The following MCHR1 variants were observed in gnomAD, a reference collection of about 807,000 sequenced individuals.
MCHR1 encodes the protein melanin concentrating hormone receptor 1, also known as melanin-concentrating hormone receptor 1.
In MCHR1, 13 loss-of-function variants were observed where a neutral mutation model predicts 20.4. The ratio of observed to expected loss-of-function variants is 0.64; its 90% CI spans 0.41 to 1.01. The LOEUF (loss-of-function observed/expected upper bound fraction) is 1.01, where lower values mean the gene tolerates loss of function less well. Ranked by LOEUF, MCHR1 falls within the 50% of genes least tolerant of loss-of-function variation. The pLI is 0.00. For synonymous variants in MCHR1, 215 were observed against 204.4 expected (o/e 1.05, Z -0.44); for missense variants, 472 against 477.0 (o/e 0.99, Z 0.10).
chr22:40,680,575 C>T (rs1252594777), intron 1 of MCHR1, among the ~76,000 whole-genome samples: 2 of 101,324 alleles, frequency 2.0e-5, no homozygotes, highest in African/African-American at 3.4e-5. Context: ...AAAGCACGCA[C>T]ACACACACAC....
At position 40,681,665 on chromosome 22, in the gene MCHR1, G is replaced by T. The variant is rs760577724; in HGVS notation, c.799G>T (p.Val267Leu). The T allele has an allele frequency of 3.1e-6, 5 of 1,614,264 alleles. No individual in the cohort carries two copies. The Admixed American group carries it at 5.0e-5, about 16-fold the overall frequency. ...CATCGCCATCTGTCTGGTCTTCTTTGTGTGCTGGGCACCCTACTATGTGCT... is the reference window on the plus strand; with the variant it reads ...CATCGCCATCTGTCTGGTCTTCTTTTTGTGCTGGGCACCCTACTATGTGCT... ...TAIAICLVFF[V>L]CWAPYYVLQL... The change falls in exon 2 of 2, where the codon GTG becomes TTG. Residue 267 changes from valine (V) to leucine (L), a missense_variant. Coordinates refer to ENST00000249016, the MANE Select transcript of MCHR1 (RefSeq NM_005297.4). The surrounding 1 kb of genome is among the most constrained non-coding windows in gnomAD (Gnocchi z 4.3).
At position 40,681,724 on chromosome 22, in the gene MCHR1, C is replaced by G. The variant is rs746851637; in HGVS notation, c.858C>G (p.Thr286=). ...CCCAGTTGTCCATCAGCCGCCCGAC[C>G]CTCACCTTTGTCTACTTATACAATG... ...QLTQLSISRP[T]LTFVYLYNAA... is the part of the protein sequence containing the mutation. The change falls in exon 2 of 2, where the codon ACC becomes ACG. Residue 286 remains threonine (T), a synonymous_variant. Coordinates refer to ENST00000249016, the MANE Select transcript of MCHR1 (RefSeq NM_005297.4). The surrounding 1 kb of genome is among the most constrained non-coding windows in gnomAD (Gnocchi z 4.3). 2 of 1,614,162 alleles carry G rather than the reference C, an allele frequency of 1.2e-6. No homozygotes were observed. The highest frequency in any genetic ancestry group is 1.3e-5 in the African/African-American group (1 of 74,954).
At chr22:40,679,894 C>A (rs1048447180) in intron 1 of MCHR1, among the ~76,000 whole-genome samples, 160 bp downstream of exon 1, 1 of 151,880 alleles carries the variant, frequency 6.6e-6, no homozygotes, top group Admixed American at 6.6e-5. Context: ...GGCAATGGTC[C>A]GCAGGGGCAG....
At chr22:40,680,551 G>T (rs902568010) in intron 1 of MCHR1, among the ~76,000 whole-genome samples, 1 of 149,294 alleles carries the variant, frequency 6.7e-6, no homozygotes, top group African/African-American at 2.5e-5. Flanking sequence ...AAACACTCAG[G>T]GCTACACATA....
At position 40,681,433 on chromosome 22, in the gene MCHR1, A is replaced by G. The variant is rs2056879809; in HGVS notation, c.567A>G (p.Gly189=). 5 of 1,613,952 alleles carry G rather than the reference A, an allele frequency of 3.1e-6. No individual in the cohort carries two copies. In the South Asian group the frequency reaches 5.5e-5, roughly 18 times the overall value. The part of the protein sequence containing the change: ...WLYARLIPFP[G]GAVGCGIRLP... ...ATGCCAGACTCATCCCCTTCCCAGG[A>G]GGTGCAGTGGGCTGCGGCATACGCC... Residue 189 remains glycine, a synonymous_variant, in exon 2 of 2, where the codon GGA becomes GGG. Transcript: ENST00000249016. The surrounding 1 kb of genome is among the most constrained non-coding windows in gnomAD (Gnocchi z 4.3).
chr22:40,680,627 T>C (rs2056874394), intron 1 of MCHR1: 1 of 242,518 alleles, frequency 4.1e-6, no homozygotes, highest in African/African-American at 2.3e-5. Flanking sequence ...CTTCTGGCTA[T>C]GCTGACGAGT....
chr22:40,681,881 A>G lies in MCHR1; in HGVS notation c.1015A>G (p.Asn339Asp), dbSNP rs2147491760. Reference sequence around the variant, plus strand: ...CCAGGGGCAGCTTCGCGCTGTCAGCAACGCTCAGACGGCTGACGAGGAGAG... The same window carrying G: ...CCAGGGGCAGCTTCGCGCTGTCAGCGACGCTCAGACGGCTGACGAGGAGAG... The part of the protein sequence containing the change: ...AAQGQLRAVS[N>D]AQTADEERTE... The change falls in exon 2 of 2, where the codon AAC becomes GAC. Residue 339 changes from asparagine to aspartate, a missense_variant. Asn to Asp is a conservative substitution (Grantham distance 23). Coordinates refer to ENST00000249016, the MANE Select transcript of MCHR1 (RefSeq NM_005297.4). This position sits in a 1 kb window ranked among gnomAD's most constrained non-coding sequence, Gnocchi z 4.3. 3 of 1,613,134 alleles carry G rather than the reference A, an allele frequency of 1.9e-6. No homozygotes were observed. Among genetic ancestry groups the G allele is most frequent in the Non-Finnish European group, 2.5e-6 (3 of 1,180,042 alleles).
Position 40,682,524 on chromosome 22 carries a change from A to C in MCHR1, c.*596A>C, listed in dbSNP as rs1019299810. Reference sequence around the variant, plus strand: ...TTTGAGGGGATGTGGCACTGAGCCCACAGGAGTAAAAGCCCAGTTTGCTAG... The same window carrying C: ...TTTGAGGGGATGTGGCACTGAGCCCCCAGGAGTAAAAGCCCAGTTTGCTAG... On this transcript the variant is annotated 3_prime_UTR_variant, in exon 2 of 2. Coordinates refer to ENST00000249016, the MANE Select transcript of MCHR1 (RefSeq NM_005297.4). 3 of 159,626 alleles carry C rather than the reference A, an allele frequency of 1.9e-5. No homozygotes were observed. Among genetic ancestry groups the C allele is most frequent in the Admixed American group, 5.8e-5 (1 of 17,142 alleles). The allele number at this position is 159,626 out of a possible 1,614,324, so 9.9% of individuals were successfully genotyped here.
rs2056876747 is a variant in MCHR1, at chr22:40,681,029, A to G, written c.163A>G (p.Ile55Val). Residue 55 changes from isoleucine to valine, a missense_variant, in exon 2 of 2, where the codon ATC becomes GTC. By Grantham distance (29) the Ile-to-Val change is conservative (BLOSUM62 3). Transcript: ENST00000249016. The surrounding 1 kb of genome is among the most constrained non-coding windows in gnomAD (Gnocchi z 4.3). Reference protein sequence around the residue: ...SVFGTICLLGIIGNSTVIFAV... With the variant: ...SVFGTICLLGVIGNSTVIFAV... ...GTTCGGCACCATCTGCCTCCTGGGC[A>G]TCATCGGGAACTCCACGGTCATCTT... The G allele has an allele frequency of 6.2e-7, 1 of 1,614,020 alleles. No homozygotes were observed. The highest frequency in any genetic ancestry group is 1.3e-5 in the African/African-American group (1 of 74,896).
rs202148079 is a variant in MCHR1, at chr22:40,679,652, G to C, written c.-1G>C. 77 of 1,614,016 alleles carry C rather than the reference G, an allele frequency of 4.8e-5. No homozygotes were observed. Among genetic ancestry groups the C allele is most frequent in the Non-Finnish European group, 6.4e-5 (76 of 1,180,028 alleles). Reference sequence around the variant, plus strand: ...GGGAGCAGGCGACCGGCACTGGCTGGATGGACCTGGAAGCCTCGCTGCTGC... The same window carrying C: ...GGGAGCAGGCGACCGGCACTGGCTGCATGGACCTGGAAGCCTCGCTGCTGC... On this transcript the variant is annotated 5_prime_UTR_variant, in exon 1 of 2. Transcript: ENST00000249016.
rs754732850 is a variant in MCHR1, at chr22:40,681,598, G to GGA, written c.732_733insGA (p.Arg245AspfsTer11). On this transcript the variant is annotated frameshift_variant, in exon 2 of 2. Coordinates refer to ENST00000249016, the MANE Select transcript of MCHR1 (RefSeq NM_005297.4). LOFTEE classifies it high-confidence loss of function. This position sits in a 1 kb window ranked among gnomAD's most constrained non-coding sequence, Gnocchi z 4.3. The stretch of plus-strand genomic sequence containing the variant: ...CGTCCTCAGTGGCCCCCGCCTCCCA[G>GGA]CGCAGCATCCGGCTGCGGACAAAGA... The GGA allele has an allele frequency of 6.2e-7, 1 of 1,614,054 alleles. No homozygotes were observed. The highest frequency in any genetic ancestry group is 1.1e-5 in the South Asian group (1 of 91,086).
intron 1 of MCHR1, among the ~76,000 whole-genome samples, chr22:40,680,374 G>A (rs2056872817): frequency 6.6e-6 from 1 of 152,162 alleles, no homozygotes; most frequent in Non-Finnish European, 1.5e-5. Context: ...CACTCAAGAA[G>A]CCCAGGCTCA....
rs1569375031 is a variant in MCHR1, at chr22:40,682,754, CT to C, written c.*831del. Reference sequence around the variant, plus strand: ...CTAGTGCCCGGTGTGTTGGCATCATCTTTTTGCTCTAGCCCTTCCTCTCCAA... The same window carrying C: ...CTAGTGCCCGGTGTGTTGGCATCATCTTTTGCTCTAGCCCTTCCTCTCCAA... On this transcript the variant is annotated 3_prime_UTR_variant, in exon 2 of 2. Transcript: ENST00000249016. 6.7e-6 allele frequency: 1 copy of C among 148,978 alleles called. No individual in the cohort carries two copies. The highest frequency in any genetic ancestry group is 1.5e-5 in the Non-Finnish European group (1 of 67,362). The allele number at this position is 148,978 out of a possible 1,614,324, so 9.2% of individuals were successfully genotyped here.
chr22:40,681,048 T>C lies in MCHR1; in HGVS notation c.182T>C (p.Val61Ala). The change falls in exon 2 of 2, where the codon GTC becomes GCC. Residue 61 changes from valine to alanine, a missense_variant. Coordinates refer to ENST00000249016, the MANE Select transcript of MCHR1 (RefSeq NM_005297.4). This position sits in a 1 kb window ranked among gnomAD's most constrained non-coding sequence, Gnocchi z 4.3. ...CTGGGCATCATCGGGAACTCCACGG[T>C]CATCTTCGCGGTCGTGAAGAAGTCC... ...CLLGIIGNSTVIFAVVKKSKL... is the reference protein window; with the variant it reads ...CLLGIIGNSTAIFAVVKKSKL... The C allele has an allele frequency of 1.2e-6, 2 of 1,614,104 alleles. No homozygotes were observed. The highest frequency in any genetic ancestry group is 1.7e-6 in the Non-Finnish European group (2 of 1,180,010).
Position 40,681,869 on chromosome 22 carries a change from C to T in MCHR1, c.1003C>T (p.Arg335Cys), listed in dbSNP as rs200253261. 6.8e-5 allele frequency: 110 copies of T among 1,613,592 alleles called. No homozygotes were observed. The highest frequency in any genetic ancestry group is 3.3e-4 in the Middle Eastern group (2 of 6,062). The change falls in exon 2 of 2, where the codon CGC becomes TGC. Residue 335 changes from arginine (R) to cysteine (C), a missense_variant. Coordinates refer to ENST00000249016, the MANE Select transcript of MCHR1 (RefSeq NM_005297.4). The surrounding 1 kb of genome is among the most constrained non-coding windows in gnomAD (Gnocchi z 4.3). ...GAAGCCTGCAGCCCAGGGGCAGCTT[C>T]GCGCTGTCAGCAACGCTCAGACGGC... ...SVKPAAQGQL[R>C]AVSNAQTADE...
Position 40,681,493 on chromosome 22 carries a change from C to T in MCHR1, c.627C>T (p.Thr209=). ...CAGACACTGACCTCTACTGGTTCACCCTGTACCAGTTTTTCCTGGCCTTTG... is the reference window on the plus strand; with the variant it reads ...CAGACACTGACCTCTACTGGTTCACTCTGTACCAGTTTTTCCTGGCCTTTG... The part of the protein sequence containing the change: ...PNPDTDLYWF[T]LYQFFLAFAL... Residue 209 remains threonine, a synonymous_variant, in exon 2 of 2, where the codon ACC becomes ACT. Coordinates refer to ENST00000249016, the MANE Select transcript of MCHR1 (RefSeq NM_005297.4). The surrounding 1 kb of genome is among the most constrained non-coding windows in gnomAD (Gnocchi z 4.3). The T allele has an allele frequency of 1.9e-6, 3 of 1,612,510 alleles. No homozygotes were observed. Among genetic ancestry groups the T allele is most frequent in the Non-Finnish European group, 1.7e-6 (2 of 1,179,966 alleles).
At position 40,681,989 on chromosome 22, in the gene MCHR1, G is replaced by C; in HGVS notation, c.*61G>C. 6.3e-7 allele frequency: 1 copy of C among 1,595,300 alleles called. No homozygotes were observed. Among genetic ancestry groups the C allele is most frequent in the Non-Finnish European group, 8.5e-7 (1 of 1,178,230 alleles). On this transcript the variant is annotated 3_prime_UTR_variant, in exon 2 of 2. Coordinates refer to ENST00000249016, the MANE Select transcript of MCHR1 (RefSeq NM_005297.4). The surrounding 1 kb of genome is among the most constrained non-coding windows in gnomAD (Gnocchi z 4.3). ...GGCACCACAACACGCCACCGGGAGA[G>C]ATGCTGAGAAAAACCCAAGACCGCT...
intron 1 of MCHR1, 95 bp downstream of exon 1, chr22:40,679,829 G>A (rs1423211328): frequency 6.5e-6 from 9 of 1,377,522 alleles, no homozygotes; most frequent in Non-Finnish European, 8.3e-6. Flanking sequence ...CTTTATCACA[G>A]TTCTTGGGGA....
In MCHR1 at chr22:40,681,046, G is replaced by A. The variant is rs201582299; in HGVS notation, c.180G>A (p.Thr60=). ...TCCTGGGCATCATCGGGAACTCCAC[G>A]GTCATCTTCGCGGTCGTGAAGAAGT... ...ICLLGIIGNS[T]VIFAVVKKSK... The change falls in exon 2 of 2, where the codon ACG becomes ACA. Residue 60 remains threonine, a synonymous_variant. Coordinates refer to ENST00000249016, the MANE Select transcript of MCHR1 (RefSeq NM_005297.4). This position sits in a 1 kb window ranked among gnomAD's most constrained non-coding sequence, Gnocchi z 4.3. The A allele has an allele frequency of 6.2e-6, 10 of 1,613,936 alleles. No homozygotes were observed. The African/African-American group carries it at 6.7e-5, about 11-fold the overall frequency.
Sources: allele counts gnomAD v4.1 joint callset (sites outside exome capture counted in the v4.1 genomes callset), GRCh38; gene constraint gnomAD v4.1.1; non-coding constraint Gnocchi (gnomAD v3.1); transcripts MANE v1.5; gene names NCBI Gene and HGNC (gene_info 2026-07-23, HGNC 2026-07-21).